The following NEDD1 variants were observed in gnomAD, a reference collection of about 807,000 sequenced individuals.
The protein encoded by NEDD1 is protein NEDD1.
NEDD1 carries 33 observed loss-of-function variants against 74.0 expected under a neutral mutation model. The observed-to-expected ratio is 0.45, with a 90% CI of 0.34 to 0.60. NEDD1 has a LOEUF of 0.60. NEDD1 is among the 20% of genes least tolerant of loss of function. NEDD1 has a pLI of 0.01. For synonymous variants in NEDD1, 250 were observed against 264.4 expected, an observed-to-expected ratio of 0.95 and a Z score of 0.53; for missense variants, 746 against 776.5, an observed-to-expected ratio of 0.96 and a Z score of 0.47.
Position 96,952,035 on chromosome 12 carries a change from A to T in NEDD1, c.1965A>T (p.Arg655Ser), listed in dbSNP as rs751393737. ...EIERLREENK[R>S]LRAHF ...AAAGACTACGAGAAGAAAACAAAAG[A>T]TTACGGGCCCACTTTTGAAATTTCA... The change falls in exon 16 of 16, where the codon AGA becomes AGT. Residue 655 changes from arginine (R) to serine (S), a missense_variant. Around this residue, in one of 3 missense-constraint regions of NEDD1, gnomAD observed 29 missense variants for 50.8 expected, o/e 0.57. Transcript: ENST00000266742. The T allele has an allele frequency of 3.8e-6, 6 of 1,596,536 alleles. No homozygotes were observed. In the Admixed American group the frequency reaches 1.0e-4, roughly 27 times the overall value.
At chr12:96,907,468 G>C in intron 1 of NEDD1, 136 bp from the exon 2 acceptor site, 1 of 731,372 alleles carries the variant, frequency 1.4e-6, no homozygotes, top group Non-Finnish European at 2.3e-6. Flanking sequence ...GCTGGGCTGG[G>C]AAGTGTCCGG....
chr12:96,917,499 C>T, intron 4 of NEDD1, 122 bp from the exon 5 acceptor site: 2 of 1,121,526 alleles, frequency 1.8e-6, no homozygotes, highest in Non-Finnish European at 2.3e-6. Flanking sequence ...ACAAGATTAG[C>T]ATGTTTATAG....
chr12:96,917,778 C>T, intron 5 of NEDD1, 41 bp downstream of exon 5: 1 of 1,523,952 alleles, frequency 6.6e-7, no homozygotes, highest in Non-Finnish European at 8.7e-7. Flanking sequence ...AAATGGATAT[C>T]TTAATGCATT....
intron 14 of NEDD1, among the ~76,000 whole-genome samples, chr12:96,948,762 A>G (rs973764681): frequency 1.3e-5 from 2 of 152,112 alleles, no homozygotes; most frequent in Admixed American, 6.6e-5. Flanking sequence ...CTTTATTCCT[A>G]GTGTGTAGTC....
At chr12:96,913,555 G>A (rs1874140853) in intron 4 of NEDD1, among the ~76,000 whole-genome samples, 1 of 151,896 alleles carries the variant, frequency 6.6e-6, no homozygotes, top group South Asian at 2.1e-4. Flanking sequence ...TGTATTTTTA[G>A]TAGAGACGGG....
rs142810820 is a variant in NEDD1 at position 96,910,334 on chromosome 12, G to A, written c.136+439G>A. Reference sequence around the variant, plus strand: ...AGAACTTGAAGGCAGAAGCAAGTTGGGGAGGAGATAAAAAATTGCCCAATA... The same window carrying A: ...AGAACTTGAAGGCAGAAGCAAGTTGAGGAGGAGATAAAAAATTGCCCAATA... On this transcript the variant is annotated intron_variant, in intron 3 of 15. Transcript: ENST00000266742. 1.6e-3 allele frequency among the ~76,000 whole-genome samples: 237 copies of A among 152,264 alleles called. 1 individual carries two copies. Among genetic ancestry groups the A allele is most frequent in the African/African-American group, 5.3e-3 (219 of 41,542 alleles).
chr12:96,927,447 A>G (rs1031980410), intron 6 of NEDD1, among the ~76,000 whole-genome samples: 1 of 152,352 alleles, frequency 6.6e-6, no homozygotes, highest in East Asian at 1.9e-4. Flanking sequence ...CTGACAGACT[A>G]CTTAGGTTAT....
At chr12:96,914,387 T>C (rs1874230923) in intron 4 of NEDD1, among the ~76,000 whole-genome samples, 1 of 152,198 alleles carries the variant, frequency 6.6e-6, no homozygotes, top group Non-Finnish European at 1.5e-5. Flanking sequence ...CTAAGAGTTT[T>C]GTGAATATTC....
chr12:96,932,335 G>A (rs1266249908), intron 6 of NEDD1, among the ~76,000 whole-genome samples: 3 of 143,720 alleles, frequency 2.1e-5, no homozygotes, highest in East Asian at 2.0e-4. Context: ...GGCCAGGTGC[G>A]GTGGCTCACA....
In NEDD1 at chr12:96,907,648, C is replaced by A; in HGVS notation, c.-217C>A. 1.3e-6 allele frequency: 2 copies of A among 1,550,576 alleles called. No individual in the cohort carries two copies. The highest frequency in any genetic ancestry group is 8.7e-7 in the Non-Finnish European group (1 of 1,146,020). ...AGGTTAGCCTCACTTGAGCTGTTGT[C>A]CTGCAAGTAAAGTGTATTTTTGGTG... On this transcript the variant is annotated 5_prime_UTR_variant, in exon 2 of 16. Transcript: ENST00000266742.
intron 6 of NEDD1, among the ~76,000 whole-genome samples, chr12:96,931,061 A>G (rs1218283471): frequency 6.6e-6 from 1 of 152,172 alleles, no homozygotes; most frequent in Non-Finnish European, 1.5e-5. Context: ...CTTAGGTGAC[A>G]GATGATTTGT....
intron 6 of NEDD1, among the ~76,000 whole-genome samples, chr12:96,934,341 GAGA>G (rs1194144729): frequency 6.6e-6 from 1 of 151,792 alleles, no homozygotes. Context: ...CCTCTGAAAG[GAGA>G]AGATTGAGGT....
intron 6 of NEDD1, among the ~76,000 whole-genome samples, chr12:96,920,458 A>G (rs1874950070): frequency 6.6e-6 from 1 of 152,174 alleles, no homozygotes; most frequent in Non-Finnish European, 1.5e-5. Flanking sequence ...CACATAGCTC[A>G]GATTTTGTCA....
chr12:96,945,219 G>A (rs1677298617), intron 13 of NEDD1, among the ~76,000 whole-genome samples: 2 of 151,958 alleles, frequency 1.3e-5, no homozygotes, highest in Admixed American at 6.6e-5. Flanking sequence ...TCTACACAAA[G>A]CAACTCTTTG....
At chr12:96,922,403 C>G (rs1875199760) in intron 6 of NEDD1, among the ~76,000 whole-genome samples, 1 of 151,956 alleles carries the variant, frequency 6.6e-6, no homozygotes, top group Non-Finnish European at 1.5e-5. Context: ...GAGTAACTTT[C>G]TTTTTTTGTG....
intron 6 of NEDD1, among the ~76,000 whole-genome samples, chr12:96,931,549 C>A (rs1208009707): frequency 1.3e-5 from 2 of 152,028 alleles, no homozygotes; most frequent in African/African-American, 4.8e-5. Context: ...CAACTGAGAA[C>A]CTTTAAGGCA....
chr12:96,925,980 C>G (rs1266271267), intron 6 of NEDD1, among the ~76,000 whole-genome samples: 1 of 152,108 alleles, frequency 6.6e-6, no homozygotes, highest in Non-Finnish European at 1.5e-5. Flanking sequence ...ACTTAACTCT[C>G]AAGCCTCCTT....
chr12:96,912,347 A>G (rs1433949612), intron 3 of NEDD1, among the ~76,000 whole-genome samples: 5 of 152,048 alleles, frequency 3.3e-5, no homozygotes, highest in Non-Finnish European at 1.5e-5. Context: ...GTTAATAAAT[A>G]TCTTGAACAG....
rs57918937 is a variant in NEDD1 at position 96,921,662 on chromosome 12, AT to A, written c.489+1548del. Among the ~76,000 whole-genome samples, 361 of 149,292 alleles carry A rather than the reference AT, an allele frequency of 2.4e-3. 1 individual carries two copies. Among genetic ancestry groups the A allele is most frequent in the Middle Eastern group, 6.9e-3 (2 of 288 alleles). On this transcript the variant is annotated intron_variant, in intron 6 of 15. Coordinates refer to ENST00000266742, the MANE Select transcript of NEDD1 (RefSeq NM_152905.4). ...GCAAATATAAAGCTTTAGAAGAGGGATTTTTTTTTTTCTTTCTTAGAGAGTC... is the reference window on the plus strand; with the variant it reads ...GCAAATATAAAGCTTTAGAAGAGGGATTTTTTTTTTCTTTCTTAGAGAGTC...
Sources: allele counts gnomAD v4.1 joint callset (sites outside exome capture counted in the v4.1 genomes callset), GRCh38; gene constraint gnomAD v4.1.1; regional missense constraint gnomAD v4.1.1; transcripts MANE v1.5; gene names NCBI Gene and HGNC (gene_info 2026-07-23, HGNC 2026-07-21).